The following PKIB variants were observed in gnomAD, a reference collection of about 807,000 sequenced individuals.
PKIB encodes the protein PKI-beta.
Under a neutral mutation model 4.5 loss-of-function variants are expected in PKIB, and 2 were observed. The ratio of observed to expected loss-of-function variants is 0.44; its 90% confidence interval spans 0.18 to 1.39. The LOEUF (loss-of-function observed/expected upper bound fraction) is 1.39, where lower values mean the gene tolerates loss of function less well. PKIB is among the 40% of genes most tolerant of loss of function. The probability of loss-of-function intolerance (pLI) is 0.27; values close to 1 mark genes in which losing one functional copy is unlikely to be tolerated. For synonymous variants in PKIB, 38 were observed against 36.0 expected (o/e 1.06, Z -0.20); for missense variants, 94 against 92.6 (o/e 1.02, Z -0.06).
intron 2 of PKIB, among the ~76,000 whole-genome samples, chr6:122,484,663 T>G (rs984435080): frequency 1.3e-5 from 2 of 152,202 alleles, no homozygotes; most frequent in African/African-American, 4.8e-5. Context: ...ATAAATAAAA[T>G]TATTTAATAT....
At chr6:122,706,921 T>TA (rs1397452644) in intron 3 of PKIB, among the ~76,000 whole-genome samples, 2 of 152,136 alleles carry the variant, frequency 1.3e-5, no homozygotes, top group Non-Finnish European at 2.9e-5. Context: ...ATTTTAAAAC[T>TA]AATATATGCA....
intron 2 of PKIB, among the ~76,000 whole-genome samples, chr6:122,554,918 AT>A (rs942508974): frequency 6.6e-6 from 1 of 152,198 alleles, no homozygotes; most frequent in African/African-American, 2.4e-5. Context: ...CCTCTTAAAG[AT>A]TTTCAATAAA....
At chr6:122,547,480 C>T (rs552545903) in intron 2 of PKIB, among the ~76,000 whole-genome samples, 5 of 152,112 alleles carry the variant, frequency 3.3e-5, no homozygotes, top group Admixed American at 2.0e-4. Flanking sequence ...GAATTACAGG[C>T]GCCCGCCACC....
chr6:122,646,335 A>G (rs922236230), intron 2 of PKIB, among the ~76,000 whole-genome samples: 31 of 152,290 alleles, frequency 2.0e-4, no homozygotes, highest in African/African-American at 7.2e-4. Flanking sequence ...CCCTACATCA[A>G]ACCAGGGCCT....
chr6:122,547,411 C>T (rs1772527636), intron 2 of PKIB, among the ~76,000 whole-genome samples: 1 of 152,094 alleles, frequency 6.6e-6, no homozygotes, highest in East Asian at 1.9e-4. Flanking sequence ...TCTCAGCTCA[C>T]TGCAACCTCC....
intron 2 of PKIB, among the ~76,000 whole-genome samples, chr6:122,487,328 A>T (rs1411252186): frequency 6.6e-6 from 1 of 152,078 alleles, no homozygotes; most frequent in Non-Finnish European, 1.5e-5. Flanking sequence ...ATTGTATCAT[A>T]CCTCTTATGT....
intron 2 of PKIB, among the ~76,000 whole-genome samples, chr6:122,536,382 A>G (rs1777408219): frequency 6.6e-6 from 1 of 152,194 alleles, no homozygotes; most frequent in Non-Finnish European, 1.5e-5. Context: ...CAGCTCTAAT[A>G]TGAGTTCTAG....
At chr6:122,474,383 T>G (rs940787910) in intron 1 of PKIB, among the ~76,000 whole-genome samples, 1 of 152,194 alleles carries the variant, frequency 6.6e-6, no homozygotes, top group Admixed American at 6.5e-5. Flanking sequence ...AAACTTGACC[T>G]TAAAAAATCT....
chr6:122,487,656 A>G (rs1186141837), intron 2 of PKIB, among the ~76,000 whole-genome samples: 1 of 152,204 alleles, frequency 6.6e-6, no homozygotes, highest in Non-Finnish European at 1.5e-5. Flanking sequence ...GAAGCTCTGG[A>G]TGACCCTTTA....
chr6:122,602,864 G>A (rs1328216129), intron 3 of PKIB, among the ~76,000 whole-genome samples: 1 of 150,212 alleles, frequency 6.7e-6, no homozygotes, highest in African/African-American at 2.4e-5. Context: ...GCTGAGACAG[G>A]AGAATTGCTT....
intron 3 of PKIB, among the ~76,000 whole-genome samples, chr6:122,588,126 AG>A (rs1773906485): frequency 6.6e-6 from 1 of 152,060 alleles, no homozygotes; most frequent in East Asian, 1.9e-4. Context: ...GGTATTGCCT[AG>A]GTTTTCTTCT....
At chr6:122,563,262 C>A (rs1402128299) in intron 2 of PKIB, among the ~76,000 whole-genome samples, 4 of 152,114 alleles carry the variant, frequency 2.6e-5, no homozygotes, top group Non-Finnish European at 5.9e-5. Flanking sequence ...AGTAAGTCTA[C>A]CTGGCTCTGG....
chr6:122,539,611 A>G (rs927282684), intron 2 of PKIB, among the ~76,000 whole-genome samples: 1 of 152,070 alleles, frequency 6.6e-6, no homozygotes, highest in African/African-American at 2.4e-5. Flanking sequence ...TGTTGCATCA[A>G]TGTTCATCAA....
intron 3 of PKIB, among the ~76,000 whole-genome samples, chr6:122,710,143 A>G (rs541450450): frequency 6.6e-6 from 1 of 152,176 alleles, no homozygotes; most frequent in Admixed American, 6.6e-5. Flanking sequence ...GATATGTTCC[A>G]GTCTCTCTAC....
intron 2 of PKIB, among the ~76,000 whole-genome samples, chr6:122,561,917 G>T (rs1241579693): frequency 7.0e-6 from 1 of 143,342 alleles, no homozygotes; most frequent in Non-Finnish European, 1.5e-5. Flanking sequence ...TACATTCAAT[G>T]TTAGTATTGA....
At chr6:122,633,563 G>A (rs2566826) in intron 2 of PKIB, among the ~76,000 whole-genome samples, 196 bp downstream of exon 2, 150,239 of 152,284 alleles carry the variant, frequency 0.99, 74,135 homozygotes, top group Middle Eastern at 1. Flanking sequence ...AATAGCAAAC[G>A]ATACATACTG....
At chr6:122,603,318 A>G (rs1774434277) in intron 3 of PKIB, among the ~76,000 whole-genome samples, 1 of 152,218 alleles carries the variant, frequency 6.6e-6, no homozygotes. Flanking sequence ...ATTTAATAAG[A>G]TAAGGCATGA....
chr6:122,724,136 T>C (rs1189211775), intron 4 of PKIB, among the ~76,000 whole-genome samples: 2 of 152,166 alleles, frequency 1.3e-5, no homozygotes, highest in Non-Finnish European at 2.9e-5. Flanking sequence ...GGATACCTTT[T>C]AAAGGATGAA....
At position 122,687,318 on chromosome 6, in the gene PKIB, T is replaced by C. The variant is rs188500715; in HGVS notation, c.-9+12174T>C. The stretch of plus-strand genomic sequence containing the variant: ...TTCTGGGTACTTTATTCTATTCCAT[T>C]GGTCTATATGTCTGTTTTTATGCTA... On this transcript the variant is annotated intron_variant, in intron 3 of 4. Transcript: ENST00000368452. 1.6e-3 allele frequency among the ~76,000 whole-genome samples: 251 copies of C among 152,302 alleles called. 1 individual carries two copies. The highest frequency in any genetic ancestry group is 5.9e-3 in the African/African-American group (245 of 41,574).
Sources: gnomAD v4.1 joint callset for allele counts (sites outside exome capture counted in the v4.1 genomes callset) on GRCh38, gnomAD v4.1.1 for gene constraint, MANE v1.5 for transcripts, NCBI Gene and HGNC (gene_info 2026-07-23, HGNC 2026-07-21) for gene names.